The following CHM variants were observed in gnomAD, a reference collection of about 807,000 sequenced individuals.
The protein encoded by CHM is CHM Rab escort protein.
CHM carries 10 observed loss-of-function variants against 49.0 expected under a neutral mutation model. The ratio of observed to expected loss-of-function variants is 0.20; its 90% confidence interval spans 0.13 to 0.35. The LOEUF (loss-of-function observed/expected upper bound fraction) is 0.35. CHM is among the 10% of genes least tolerant of loss of function. The pLI is 1.00. For synonymous variants in CHM, 184 were observed against 167.5 expected (o/e 1.10, Z -0.76); for missense variants, 455 against 478.4 (o/e 0.95, Z 0.46).
intron 8 of CHM, among the ~76,000 whole-genome samples, chrX:85,925,673 A>G (rs892352188): frequency 1.7e-4 from 19 of 111,301 alleles, no homozygotes; most frequent in South Asian, 3.8e-4. Flanking sequence ...AGTAATCCTT[A>G]TTTAAATCAT....
chrX:86,026,107 T>C (rs1183149015), intron 2 of CHM, among the ~76,000 whole-genome samples: 1 of 47,208 alleles, frequency 2.1e-5, no homozygotes, highest in African/African-American at 1.6e-4. Flanking sequence ...ATTTTCTTTT[T>C]TTTTTTTTTT....
chrX:85,882,552 A>T (rs769052015), intron 12 of CHM, among the ~76,000 whole-genome samples: 38 of 112,056 alleles, frequency 3.4e-4, no homozygotes, highest in Non-Finnish European at 6.8e-4. Flanking sequence ...TTAATGAGCT[A>T]AAAATGGCCA....
At chrX:85,880,494 T>G (rs754172470) in intron 12 of CHM, among the ~76,000 whole-genome samples, 7 of 111,412 alleles carry the variant, frequency 6.3e-5, no homozygotes, top group Non-Finnish European at 1.3e-4. Flanking sequence ...GTTCTCAATT[T>G]TCCAGTTTTT....
chrX:85,876,879 G>C (rs1415485032), intron 13 of CHM, among the ~76,000 whole-genome samples: 1 of 111,163 alleles, frequency 9.0e-6, no homozygotes, highest in East Asian at 2.8e-4. Flanking sequence ...CCCCCAGCTT[G>C]ATTTTTTTTA....
At chrX:85,928,499 C>T (rs1044829703) in intron 8 of CHM, among the ~76,000 whole-genome samples, 72 of 111,194 alleles carry the variant, frequency 6.5e-4, no homozygotes, top group Admixed American at 3.7e-3. Flanking sequence ...GCCGAGATCG[C>T]GCCACTGCAC....
At chrX:85,950,792 T>G (rs937773898) in intron 8 of CHM, among the ~76,000 whole-genome samples, 1 of 111,024 alleles carries the variant, frequency 9.0e-6, no homozygotes, top group Non-Finnish European at 1.9e-5. Context: ...CTAAGCAAGA[T>G]AAAGACAAAG....
intron 12 of CHM, among the ~76,000 whole-genome samples, chrX:85,892,948 T>C (rs968692793): frequency 8.9e-6 from 1 of 111,807 alleles, no homozygotes; most frequent in Non-Finnish European, 1.9e-5. Flanking sequence ...TTAATGATAT[T>C]ATGTCTCCCT....
At position 85,963,973 on chromosome X, in the gene CHM, C is replaced by T; in HGVS notation, c.394G>A (p.Glu132Lys). 1 of 1,210,512 alleles carries T rather than the reference C, an allele frequency of 8.3e-7. No individual in the cohort carries two copies. Among genetic ancestry groups the T allele is most frequent in the South Asian group, 1.8e-5 (1 of 56,749 alleles). The change falls in exon 5 of 15, where the codon GAA (glutamate) becomes AAA (lysine). Residue 132 changes from glutamate (E) to lysine (K), a missense_variant. Glu to Lys is a moderately conservative substitution (Grantham distance 56). Transcript: ENST00000357749. Reference protein sequence around the residue: ...HALVTSANSTEAADSAFLPTE... With the variant: ...HALVTSANSTKAADSAFLPTE... ...GGCAGGAAGGCAGAATCTGCAGCTT[C>T]TGTGGAGTTTGCAGATGTCACAAGA...
intron 8 of CHM, among the ~76,000 whole-genome samples, chrX:85,922,252 G>T (rs1927835883): frequency 8.9e-6 from 1 of 112,464 alleles, no homozygotes; most frequent in African/African-American, 3.2e-5. Context: ...CCACAAACAT[G>T]TTATATGATC....
rs778353656 is a variant in CHM, at chrX:86,033,457, T to C, written c.50-5900A>G. 6.2e-5 allele frequency among the ~76,000 whole-genome samples: 7 copies of C among 112,462 alleles called. No individual in the cohort carries two copies. In the East Asian group the frequency reaches 1.1e-3, roughly 18 times the overall value. On this transcript the variant is annotated intron_variant, in intron 1 of 14. Transcript: ENST00000357749. ...AGACCAGAATGGAAAGAAAATTACATAGAACTAGAAAATTTACTGTGACTG... is the reference window on the plus strand; with the variant it reads ...AGACCAGAATGGAAAGAAAATTACACAGAACTAGAAAATTTACTGTGACTG...
chrX:85,877,883 G>T (rs1924512229), intron 13 of CHM, among the ~76,000 whole-genome samples: 1 of 111,616 alleles, frequency 9.0e-6, no homozygotes, highest in Admixed American at 9.5e-5. Context: ...TAAATAAATG[G>T]TTGCATGAAC....
intron 2 of CHM, among the ~76,000 whole-genome samples, chrX:85,996,454 A>G (rs748228219): frequency 8.9e-6 from 1 of 111,759 alleles, no homozygotes; most frequent in Non-Finnish European, 1.9e-5. Context: ...CTACTAAAAA[A>G]TCAACTATTT....
At chrX:85,871,304 C>CAAAAAAAAAAAAAAA (rs150005971) in intron 14 of CHM, among the ~76,000 whole-genome samples, 2 of 62,069 alleles carry the variant, frequency 3.2e-5, no homozygotes, top group East Asian at 5.6e-4. Context: ...AAGACTGTCT[C>CAAAAAAAAAAAAAAA]AAAAAAAAAA....
At chrX:86,015,651 G>C (rs966536855) in intron 2 of CHM, among the ~76,000 whole-genome samples, 1 of 112,112 alleles carries the variant, frequency 8.9e-6, no homozygotes, top group African/African-American at 3.2e-5. Context: ...AATAAGGTCT[G>C]GGCGGAGGTG....
intron 2 of CHM, among the ~76,000 whole-genome samples, chrX:86,014,281 A>C (rs1383278466): frequency 8.9e-6 from 1 of 112,196 alleles, no homozygotes; most frequent in Non-Finnish European, 1.9e-5. Context: ...TCCCAATAAA[A>C]GGCATAAAAT....
At chrX:85,981,620 T>C in intron 3 of CHM, 117 bp downstream of exon 3, 1 of 531,177 alleles carries the variant, frequency 1.9e-6, no homozygotes, top group Non-Finnish European at 3.1e-6. Context: ...AATAAGTGAA[T>C]AAAAATAAAG....
intron 2 of CHM, among the ~76,000 whole-genome samples, chrX:86,024,881 T>C (rs1933741042): frequency 8.9e-6 from 1 of 111,733 alleles, no homozygotes; most frequent in African/African-American, 3.3e-5. Context: ...AGCAGGATGC[T>C]GTTTTTTGGG....
chrX:85,928,441 G>C (rs900858276), intron 8 of CHM, among the ~76,000 whole-genome samples: 86 of 110,673 alleles, frequency 7.8e-4, no homozygotes, highest in African/African-American at 2.6e-3. Context: ...TACTCGAGAG[G>C]CTGAGGCAGG....
chrX:85,984,028 C>T (rs1931770923), intron 2 of CHM, among the ~76,000 whole-genome samples: 1 of 108,748 alleles, frequency 9.2e-6, no homozygotes, highest in Admixed American at 9.9e-5. Flanking sequence ...ATGGTGAAAC[C>T]CCGTCTCTAC....
Sources: allele counts gnomAD v4.1 joint callset (sites outside exome capture counted in the v4.1 genomes callset), GRCh38; gene constraint gnomAD v4.1.1; transcripts MANE v1.5; gene names NCBI Gene and HGNC (gene_info 2026-07-23, HGNC 2026-07-21).